KCTD6: variants seen among roughly 807,000 people sequenced by gnomAD.
The protein encoded by KCTD6 is BTB/POZ domain-containing protein KCTD6.
A neutral mutation model predicts 18.7 loss-of-function variants in KCTD6; 6 were observed. The observed-to-expected ratio is 0.32, with a 90% confidence interval of 0.18 to 0.63. The LOEUF (loss-of-function observed/expected upper bound fraction) is 0.63, where lower values mean the gene tolerates loss of function less well. KCTD6 is among the 30% of genes least tolerant of loss of function. The probability of loss-of-function intolerance (pLI) is 0.79; values close to 1 mark genes in which losing one functional copy is unlikely to be tolerated. For missense variants in KCTD6, 165 were observed against 300.2 expected, an observed-to-expected ratio of 0.55 and a Z score of 3.33; for synonymous variants, 86 against 108.5, an observed-to-expected ratio of 0.79 and a Z score of 1.29.
At chr3:58,499,764 T>C (rs2063196423) in intron 2 of KCTD6, among the ~76,000 whole-genome samples, 1 of 152,082 alleles carries the variant, frequency 6.6e-6, no homozygotes, top group African/African-American at 2.4e-5. Context: ...GGTCAGCAAC[T>C]CCTGGGCTCA....
Position 58,497,857 on chromosome 3 carries a change from C to T in KCTD6, c.-43-856C>T, listed in dbSNP as rs779633076. 6.6e-6 allele frequency: 1 copy of T among 151,442 alleles called. No homozygotes were observed. Among genetic ancestry groups the T allele is most frequent in the Non-Finnish European group, 1.5e-5 (1 of 67,928 alleles). The allele number at this position is 151,442 out of a possible 1,614,324, so 9.4% of individuals were successfully genotyped here. On this transcript the variant is annotated intron_variant, in intron 1 of 2. Transcript: ENST00000404589. The surrounding 1 kb of genome is among the most constrained non-coding windows in gnomAD (Gnocchi z 4.2). ...ATAAATACCATTCTGATGTATTTCT[C>T]TTGGAAAGGGATGCTGGTATCCTGG... is the stretch of plus-strand genomic sequence containing the variant.
In KCTD6 at chr3:58,497,018, G is replaced by T. The variant is rs1361385498; in HGVS notation, c.-43-1695G>T. ...GACAAATTGGCAAAGCCCATTTCTT[G>T]GTCCTGTTTACTTCGGATACTATTT... On this transcript the variant is annotated intron_variant, in intron 1 of 2. Transcript: ENST00000404589. The surrounding 1 kb of genome is among the most constrained non-coding windows in gnomAD (Gnocchi z 4.2). Among the ~76,000 whole-genome samples the T allele has an allele frequency of 6.6e-6, 1 of 152,194 alleles. No individual in the cohort carries two copies. Among genetic ancestry groups the T allele is most frequent in the African/African-American group, 2.4e-5 (1 of 41,438 alleles).
chr3:58,500,400 A>G (rs1236419120), intron 2 of KCTD6: 5 of 151,618 alleles, frequency 3.3e-5, no homozygotes, highest in African/African-American at 9.7e-5. Context: ...TGCTAGGATT[A>G]CAGGTATGAG....
intron 2 of KCTD6, among the ~76,000 whole-genome samples, chr3:58,499,379 G>T (rs1418650808): frequency 6.6e-6 from 1 of 152,042 alleles, no homozygotes; most frequent in Non-Finnish European, 1.5e-5. Context: ...GAGTTTGGAG[G>T]ATATTTTGTT....
Position 58,497,015 on chromosome 3 carries a change from CT to C in KCTD6, c.-43-1696del. 6.6e-6 allele frequency among the ~76,000 whole-genome samples: 1 copy of C among 152,328 alleles called. No individual in the cohort carries two copies. Among genetic ancestry groups the C allele is most frequent in the Non-Finnish European group, 1.5e-5 (1 of 68,028 alleles). On this transcript the variant is annotated intron_variant, in intron 1 of 2. Transcript: ENST00000404589. This position sits in a 1 kb window ranked among gnomAD's most constrained non-coding sequence, Gnocchi z 4.2. ...CAAGACAAATTGGCAAAGCCCATTTCTTGGTCCTGTTTACTTCGGATACTAT... is the reference window on the plus strand; with the variant it reads ...CAAGACAAATTGGCAAAGCCCATTTCTGGTCCTGTTTACTTCGGATACTAT...
chr3:58,497,322 T>G lies in KCTD6; in HGVS notation c.-43-1391T>G, dbSNP rs575989267. On this transcript the variant is annotated intron_variant, in intron 1 of 2. Coordinates refer to ENST00000404589, the MANE Select transcript of KCTD6 (RefSeq NM_001128214.2). The surrounding 1 kb of genome is among the most constrained non-coding windows in gnomAD (Gnocchi z 4.2). ...GTGACCTTTTGAGAAAGAGCCTTTG[T>G]GATCTTCTGTAGCTAGGGCTTGTTC... Among the ~76,000 whole-genome samples the G allele has an allele frequency of 1.3e-5, 2 of 152,258 alleles. No homozygotes were observed. The highest frequency in any genetic ancestry group is 2.9e-5 in the Non-Finnish European group (2 of 68,044).
In KCTD6 at chr3:58,492,610, T is replaced by C. The variant is rs1209617934; in HGVS notation, c.-44+441T>C. On this transcript the variant is annotated intron_variant, in intron 1 of 2. Coordinates refer to ENST00000404589, the MANE Select transcript of KCTD6 (RefSeq NM_001128214.2). The surrounding 1 kb of genome is among the most constrained non-coding windows in gnomAD (Gnocchi z 6.1). The stretch of plus-strand genomic sequence containing the variant: ...GGAGATGGCGCTTATTAGCCACCAA[T>C]TGCCCTAGTTTAAAGCTTGAGGCAG... 1.3e-5 allele frequency among the ~76,000 whole-genome samples: 2 copies of C among 152,182 alleles called. No homozygotes were observed. Among genetic ancestry groups the C allele is most frequent in the African/African-American group, 4.8e-5 (2 of 41,462 alleles).
At chr3:58,500,120 A>T (rs2063198086) in intron 2 of KCTD6, among the ~76,000 whole-genome samples, 2 of 145,300 alleles carry the variant, frequency 1.4e-5, no homozygotes, top group South Asian at 2.2e-4. Context: ...AATTTAAATA[A>T]TTTTTTTTTT....
rs75613716 is a variant in KCTD6 at position 58,499,841 on chromosome 3, A to G, written c.27+1059A>G. On this transcript the variant is annotated intron_variant, in intron 2 of 2. Coordinates refer to ENST00000404589, the MANE Select transcript of KCTD6 (RefSeq NM_001128214.2). ...AGGTGTGAGCCACCACACCTGGCCT[A>G]TTTTTTTCGTAAATAGTATTTCTAA... Among the ~76,000 whole-genome samples the G allele has an allele frequency of 4.2e-3, 635 of 151,476 alleles. 2 individuals are homozygous for G. The highest frequency in any genetic ancestry group is 7.4e-3 in the Non-Finnish European group (505 of 67,854).
At chr3:58,499,340 C>T (rs546258540) in intron 2 of KCTD6, among the ~76,000 whole-genome samples, 2 of 152,192 alleles carry the variant, frequency 1.3e-5, no homozygotes, top group African/African-American at 2.4e-5. Flanking sequence ...ACTCTTTCTT[C>T]ATGAATAGTG....
At chr3:58,499,914 G>T (rs1027721682) in intron 2 of KCTD6, among the ~76,000 whole-genome samples, 7 of 152,066 alleles carry the variant, frequency 4.6e-5, no homozygotes, top group Admixed American at 2.0e-4. Flanking sequence ...AGAATTAAAG[G>T]CCAGATTGCA....
At position 58,501,602 on chromosome 3, in the gene KCTD6, C is replaced by T; in HGVS notation, c.684C>T (p.Phe228=). 1 of 1,360,432 alleles carries T rather than the reference C, an allele frequency of 7.4e-7. No homozygotes were observed. Among genetic ancestry groups the T allele is most frequent in the Non-Finnish European group, 9.5e-7 (1 of 1,050,250 alleles). The allele number at this position is 1,360,432 out of a possible 1,614,324, so 84.3% of individuals were successfully genotyped here. A position where few individuals can be genotyped will look rare whatever the true frequency, so the allele number is the denominator to read the frequency against. ...NENTVEHNWT[F]CRLARKTDD ...ACACAGTGGAGCACAACTGGACTTT[C>T]TGTAGGCTAGCCCGGAAGACAGACG... Residue 228 remains phenylalanine, a synonymous_variant, in exon 3 of 3, where the codon TTC becomes TTT. Coordinates refer to ENST00000404589, the MANE Select transcript of KCTD6 (RefSeq NM_001128214.2). This position sits in a 1 kb window ranked among gnomAD's most constrained non-coding sequence, Gnocchi z 9.7.
At position 58,493,374 on chromosome 3, in the gene KCTD6, A is replaced by G. The variant is rs1380010518; in HGVS notation, c.-44+1205A>G. Among the ~76,000 whole-genome samples, 1 of 152,238 alleles carries G rather than the reference A, an allele frequency of 6.6e-6. No individual in the cohort carries two copies. Among genetic ancestry groups the G allele is most frequent in the Admixed American group, 6.5e-5 (1 of 15,292 alleles). ...TCATAAATCATATTTTAACCAAAGC[A>G]TTACTACTTAAAGGAATCTTAGGGT... is the stretch of plus-strand genomic sequence containing the variant. On this transcript the variant is annotated intron_variant, in intron 1 of 2. Transcript: ENST00000404589. This position sits in a 1 kb window ranked among gnomAD's most constrained non-coding sequence, Gnocchi z 4.5.
chr3:58,492,341 A>C lies in KCTD6; in HGVS notation c.-44+172A>C, dbSNP rs1255059209. Among the ~76,000 whole-genome samples, 2 of 149,460 alleles carry C rather than the reference A, an allele frequency of 1.3e-5. No individual in the cohort carries two copies. Among genetic ancestry groups the C allele is most frequent in the Non-Finnish European group, 3.0e-5 (2 of 67,070 alleles). The stretch of plus-strand genomic sequence containing the variant: ...AGGGGACCGCGCGTCCCGGGCTGGC[A>C]CGAGCCAGCAGCGGAGGTGCCCGCG... On this transcript the variant is annotated intron_variant, in intron 1 of 2. Transcript: ENST00000404589. The surrounding 1 kb of genome is among the most constrained non-coding windows in gnomAD (Gnocchi z 6.1).
chr3:58,498,869 A>C lies in KCTD6; in HGVS notation c.27+87A>C, dbSNP rs1320159644. 1.8e-6 allele frequency: 2 copies of C among 1,106,750 alleles called. No individual in the cohort carries two copies. The highest frequency in any genetic ancestry group is 2.5e-5 in the East Asian group (1 of 40,382). 68.6% of individuals were successfully genotyped at this position (1,106,750 alleles called of 1,614,324 possible). ...CCTTATGTATTTTTAGGTATATCTT[A>C]TAAGAAAAGAAAATTGTGAATTTGT... On this transcript the variant is annotated intron_variant, in intron 2 of 2. Transcript: ENST00000404589. The surrounding 1 kb of genome is among the most constrained non-coding windows in gnomAD (Gnocchi z 4.6).
rs888178090 is a variant in KCTD6 at position 58,492,190 on chromosome 3, G to C, written c.-44+21G>C. The C allele has an allele frequency of 2.7e-5, 4 of 149,878 alleles. No homozygotes were observed. The highest frequency in any genetic ancestry group is 9.7e-5 in the African/African-American group (4 of 41,262). 9.3% of individuals were successfully genotyped at this position (149,878 alleles called of 1,614,324 possible). A position where few individuals can be genotyped will look rare whatever the true frequency, so the allele number is the denominator to read the frequency against. On this transcript the variant is annotated intron_variant, in intron 1 of 2. Coordinates refer to ENST00000404589, the MANE Select transcript of KCTD6 (RefSeq NM_001128214.2). This position sits in a 1 kb window ranked among gnomAD's most constrained non-coding sequence, Gnocchi z 6.1. ...GCGCAGTGAGTGGGGCTGGCGCGGG[G>C]CTTGCGGGGCCGGGGTTTGGGAGGG...
At chr3:58,499,679 T>C (rs1308875241) in intron 2 of KCTD6, among the ~76,000 whole-genome samples, 2 of 151,140 alleles carry the variant, frequency 1.3e-5, no homozygotes, top group African/African-American at 4.9e-5. Context: ...GCTGAGACGA[T>C]AGGTGGGCAC....
Position 58,496,707 on chromosome 3 carries a change from C to T in KCTD6, c.-43-2006C>T, listed in dbSNP as rs1229889121. Among the ~76,000 whole-genome samples, 1 of 152,186 alleles carries T rather than the reference C, an allele frequency of 6.6e-6. No homozygotes were observed. The highest frequency in any genetic ancestry group is 1.9e-4 in the East Asian group (1 of 5,198). The stretch of plus-strand genomic sequence containing the variant: ...TTTGAATTCTGTTCTGTACTTCAGT[C>T]ATTGCATGTTGCCTTCCATTATAGA... On this transcript the variant is annotated intron_variant, in intron 1 of 2. Coordinates refer to ENST00000404589, the MANE Select transcript of KCTD6 (RefSeq NM_001128214.2). The surrounding 1 kb of genome is among the most constrained non-coding windows in gnomAD (Gnocchi z 5.1).
intron 1 of KCTD6, among the ~76,000 whole-genome samples, chr3:58,495,976 C>T (rs748495553): frequency 1.5e-4 from 23 of 151,324 alleles, no homozygotes; most frequent in Non-Finnish European, 2.7e-4. Flanking sequence ...TTTTCGTTAA[C>T]GGCTGCAACA....
Sources: allele counts gnomAD v4.1 joint callset (sites outside exome capture counted in the v4.1 genomes callset), GRCh38; gene constraint gnomAD v4.1.1; non-coding constraint Gnocchi (gnomAD v3.1); transcripts MANE v1.5; gene names NCBI Gene and HGNC (gene_info 2026-07-23, HGNC 2026-07-21).